The following JAKMIP2 variants were observed in gnomAD, a reference collection of about 807,000 sequenced individuals.
JAKMIP2 encodes janus kinase and microtubule interacting protein 2.
A neutral mutation model predicts 115.0 loss-of-function variants in JAKMIP2; 25 were observed. The observed-to-expected ratio is 0.22, with a 90% confidence interval of 0.16 to 0.30. The LOEUF (loss-of-function observed/expected upper bound fraction) is 0.30. Among genes scored for constraint, JAKMIP2 ranks in the 10% least tolerant of loss-of-function variants. The pLI, the probability that JAKMIP2 is intolerant of heterozygous loss-of-function variation, is 1.00. For synonymous variants in JAKMIP2, 334 were observed against 343.6 expected, an observed-to-expected ratio of 0.97 and a Z score of 0.31; for missense variants, 642 against 957.6, an observed-to-expected ratio of 0.67 and a Z score of 4.35.
chr5:147,639,684 G>A lies in JAKMIP2; in HGVS notation c.1478C>T (p.Ala493Val). The A allele has an allele frequency of 6.2e-7, 1 of 1,613,894 alleles. No homozygotes were observed. Among genetic ancestry groups the A allele is most frequent in the Non-Finnish European group, 8.5e-7 (1 of 1,179,896 alleles). Residue 493 changes from alanine to valine, a missense_variant, in exon 10 of 22, where the codon GCC becomes GTC. Ala to Val is a moderately conservative substitution (Grantham distance 64). Coordinates refer to ENST00000616793, the MANE Select transcript of JAKMIP2 (RefSeq NM_001270941.2). Reference protein sequence around the residue: ...KEYQALQRAYALLQEQTGGII... With the variant: ...KEYQALQRAYVLLQEQTGGII... ...GCCTCCCGTCTGCTCCTGTAGGAGG[G>A]CATATGCTCTTTGGAGGGCCTGATA...
chr5:147,606,731 A>G (rs1480911783), intron 20 of JAKMIP2, among the ~76,000 whole-genome samples: 1 of 152,230 alleles, frequency 6.6e-6, no homozygotes, highest in Non-Finnish European at 1.5e-5. Flanking sequence ...AGTAAATGGT[A>G]GCTTGATGGG....
intron 12 of JAKMIP2, among the ~76,000 whole-genome samples, chr5:147,635,177 C>G (rs1466566088): frequency 6.9e-6 from 1 of 144,740 alleles, no homozygotes; most frequent in Non-Finnish European, 1.5e-5. Context: ...AACTCCGTCT[C>G]AAAAAAAAAA....
At chr5:147,755,014 T>C (rs1241608580) in intron 1 of JAKMIP2, among the ~76,000 whole-genome samples, 1 of 152,146 alleles carries the variant, frequency 6.6e-6, no homozygotes, top group Non-Finnish European at 1.5e-5. Context: ...CAAAGTAAAC[T>C]GGGTACAGAT....
intron 1 of JAKMIP2, among the ~76,000 whole-genome samples, chr5:147,721,462 G>A (rs1377730600): frequency 2.0e-5 from 3 of 152,156 alleles, no homozygotes; most frequent in Admixed American, 6.5e-5. Context: ...CTGCCACCTT[G>A]CAGTTTGATC....
At position 147,612,423 on chromosome 5, in the gene JAKMIP2, G is replaced by A. The variant is rs183481257; in HGVS notation, c.2347-52C>T. 511 of 1,098,928 alleles carry A rather than the reference G, an allele frequency of 4.6e-4. 1 individual carries two copies. In the East Asian group the frequency reaches 4.8e-3, roughly 10 times the overall value. The allele number at this position is 1,098,928 out of a possible 1,614,324, so 68.1% of individuals were successfully genotyped here. On this transcript the variant is annotated intron_variant, in intron 19 of 21. Coordinates refer to ENST00000616793, the MANE Select transcript of JAKMIP2 (RefSeq NM_001270941.2). ...AGCATCAGTAGGTGGTAAGTTGTGC[G>A]GAAAAATAATTTACCAAATGAAAAC...
At position 147,661,301 on chromosome 5, in the gene JAKMIP2, G is replaced by T; in HGVS notation, c.274C>A (p.Leu92Ile). 1 of 1,613,896 alleles carries T rather than the reference G, an allele frequency of 6.2e-7. No individual in the cohort carries two copies. The highest frequency in any genetic ancestry group is 8.5e-7 in the Non-Finnish European group (1 of 1,179,998). The change falls in exon 3 of 22, where the codon CTT becomes ATT. Residue 92 changes from leucine to isoleucine, a missense_variant. Physicochemically the swap from Leu to Ile is conservative, Grantham distance 5 (BLOSUM62 2). Around this residue, in one of 6 missense-constraint regions of JAKMIP2, gnomAD observed 439 missense variants for 570.9 expected, o/e 0.77. Transcript: ENST00000616793. ...ATTTCCTGCTCGTGCTGCTTGATAAGGTTCTCCCTCACAGCCTGCAGCTCC... is the reference window on the plus strand; with the variant it reads ...ATTTCCTGCTCGTGCTGCTTGATAATGTTCTCCCTCACAGCCTGCAGCTCC... ...MKELQAVREN[L>I]IKQHEQEMSR...
rs191077778 is a variant in JAKMIP2 at position 147,674,134 on chromosome 5, C to T, written c.-148-2180G>A. On this transcript the variant is annotated intron_variant, in intron 1 of 21. Coordinates refer to ENST00000616793, the MANE Select transcript of JAKMIP2 (RefSeq NM_001270941.2). The stretch of plus-strand genomic sequence containing the variant: ...CTTTGTTACATTAGTCCCCCCAAAC[C>T]TTATTCCCCCCAGGTTTTCCTAGAT... Among the ~76,000 whole-genome samples, 41 of 152,140 alleles carry T rather than the reference C, an allele frequency of 2.7e-4. No homozygotes were observed. The Middle Eastern group carries it at 0.01, about 38-fold the overall frequency.
intron 7 of JAKMIP2, among the ~76,000 whole-genome samples, chr5:147,642,621 G>C (rs937259945): frequency 4.6e-5 from 7 of 151,730 alleles, no homozygotes; most frequent in Non-Finnish European, 1.0e-4. Flanking sequence ...GAGGAAAACA[G>C]GGAGTAATGA....
At chr5:147,689,702 A>G (rs1030795927) in intron 1 of JAKMIP2, among the ~76,000 whole-genome samples, 1 of 152,224 alleles carries the variant, frequency 6.6e-6, no homozygotes, top group South Asian at 2.1e-4. Flanking sequence ...CACTGCAGCT[A>G]AAACACTCTG....
At position 147,702,623 on chromosome 5, in the gene JAKMIP2, A is replaced by G. The variant is rs186846076; in HGVS notation, c.-148-30669T>C. On this transcript the variant is annotated intron_variant, in intron 1 of 21. Transcript: ENST00000616793. The stretch of plus-strand genomic sequence containing the variant: ...AAGAAGGAAAGAAAGAAAGAAAGAA[A>G]GAAAGAAAGAAAGAAAGAAAGAAAG... 8.5e-3 allele frequency among the ~76,000 whole-genome samples: 979 copies of G among 115,622 alleles called. 6 individuals carry two copies. The highest frequency in any genetic ancestry group is 0.023 in the African/African-American group (523 of 22,458). 75.9% of individuals were successfully genotyped at this position (115,622 alleles called of 152,430 possible). A position where few individuals can be genotyped will look rare whatever the true frequency, so the allele number is the denominator to read the frequency against.
intron 9 of JAKMIP2, among the ~76,000 whole-genome samples, 175 bp from the exon 10 acceptor site, chr5:147,639,935 T>C (rs1472170612): frequency 6.6e-6 from 1 of 152,214 alleles, no homozygotes; most frequent in Admixed American, 6.5e-5. Context: ...TGTAATACTT[T>C]CAAGATGGAC....
intron 1 of JAKMIP2, among the ~76,000 whole-genome samples, chr5:147,713,077 C>A (rs183533101): frequency 1.3e-5 from 2 of 152,124 alleles, no homozygotes; most frequent in Non-Finnish European, 2.9e-5. Context: ...ATATTAATAA[C>A]GTATTGTGTA....
At chr5:147,702,533 G>A (rs1441921236) in intron 1 of JAKMIP2, among the ~76,000 whole-genome samples, 1 of 142,476 alleles carries the variant, frequency 7.0e-6, no homozygotes, top group Admixed American at 7.2e-5. Context: ...GAGGGAGGGA[G>A]AGAGAGAGAG....
At position 147,673,959 on chromosome 5, in the gene JAKMIP2, C is replaced by T. The variant is rs189416068; in HGVS notation, c.-148-2005G>A. Among the ~76,000 whole-genome samples the T allele has an allele frequency of 1.6e-3, 241 of 152,202 alleles. 2 individuals are homozygous for T. Among genetic ancestry groups the T allele is most frequent in the African/African-American group, 5.5e-3 (229 of 41,500 alleles). On this transcript the variant is annotated intron_variant, in intron 1 of 21. Transcript: ENST00000616793. ...ACCCACAGTTCTATATCCACAGCCC[C>T]GACCATTATGCAAACACTAGACTTG...
chr5:147,751,256 G>GTTTTTTTTTTTTTT (rs59032563), intron 1 of JAKMIP2, among the ~76,000 whole-genome samples: 6 of 131,598 alleles, frequency 4.6e-5, no homozygotes, highest in African/African-American at 8.5e-5. Context: ...TTTTGTTGTT[G>GTTTTTTTTTTTTTT]TTTTTTTTTT....
chr5:147,677,456 G>C (rs1180278214), intron 1 of JAKMIP2, among the ~76,000 whole-genome samples: 1 of 152,150 alleles, frequency 6.6e-6, no homozygotes, highest in Non-Finnish European at 1.5e-5. Flanking sequence ...ACTCTTGAGG[G>C]AGAGAAGCCA....
chr5:147,717,176 G>C (rs201616631), intron 1 of JAKMIP2, among the ~76,000 whole-genome samples: 2,196 of 33,178 alleles, frequency 0.066, 119 homozygotes, highest in East Asian at 0.23. Flanking sequence ...CGTTATTTCT[G>C]AGGGCTCTGT....
chr5:147,747,533 C>T (rs1754391558), intron 1 of JAKMIP2, among the ~76,000 whole-genome samples: 1 of 152,146 alleles, frequency 6.6e-6, no homozygotes, highest in Non-Finnish European at 1.5e-5. Flanking sequence ...TGGTCTACCT[C>T]AGGACCCCAT....
intron 14 of JAKMIP2, among the ~76,000 whole-genome samples, chr5:147,630,004 T>A (rs201430663): frequency 1.3e-5 from 2 of 152,200 alleles, no homozygotes; most frequent in East Asian, 3.8e-4. Flanking sequence ...GCTGAGCTGA[T>A]CTTCAGGATA....
Sources: gnomAD v4.1 joint callset for allele counts (sites outside exome capture counted in the v4.1 genomes callset) on GRCh38, gnomAD v4.1.1 for gene constraint, gnomAD v4.1.1 regional missense constraint, MANE v1.5 for transcripts, NCBI Gene and HGNC (gene_info 2026-07-23, HGNC 2026-07-21) for gene names.